Variants in TTC39B observed in about 807,000 individuals in gnomAD.
The protein encoded by TTC39B is tetratricopeptide repeat protein 39B.
Under a neutral mutation model 96.6 loss-of-function variants are expected in TTC39B, and 92 were observed. That is an observed-to-expected ratio of 0.95 (90% CI 0.80 to 1.13). TTC39B has a LOEUF of 1.13. TTC39B is among the 50% of genes most tolerant of loss of function. The probability of loss-of-function intolerance (pLI) is 0.00; values close to 1 mark genes in which losing one functional copy is unlikely to be tolerated. For synonymous variants in TTC39B, 367 were observed against 299.4 expected (o/e 1.23, Z -2.33); for missense variants, 955 against 809.3 (o/e 1.18, Z -2.18).
chr9:15,218,632 T>TAAAAAAAAAAAAAATATATA (rs545882970), intron 3 of TTC39B, among the ~76,000 whole-genome samples: 5 of 105,110 alleles, frequency 4.8e-5, no homozygotes, highest in African/African-American at 1.8e-4. Flanking sequence ...TTAGTCTATT[T>TAAAAAAAAAAAAAATATATA]TAAATATATA....
chr9:15,171,277 C>T (rs1184099662), exon 20 of TTC39B: 1 of 152,134 alleles, frequency 6.6e-6, no homozygotes, highest in Non-Finnish European at 1.5e-5. Flanking sequence ...ATTTTAGGCT[C>T]TCATTGCTAA....
chr9:15,223,764 T>A (rs1177962332), intron 3 of TTC39B, among the ~76,000 whole-genome samples: 1 of 151,972 alleles, frequency 6.6e-6, no homozygotes, highest in Non-Finnish European at 1.5e-5. Flanking sequence ...TGAGTACAGG[T>A]TGAGCATCCC....
chr9:15,236,857 C>T (rs994894707), intron 2 of TTC39B, among the ~76,000 whole-genome samples: 5 of 152,132 alleles, frequency 3.3e-5, no homozygotes, highest in South Asian at 2.1e-4. Flanking sequence ...ATTAATTAAA[C>T]GCCTACATCA....
chr9:15,287,106 C>G (rs546629981), intron 1 of TTC39B, among the ~76,000 whole-genome samples: 1 of 152,300 alleles, frequency 6.6e-6, no homozygotes. Flanking sequence ...TATTGGGGGT[C>G]TGCTTGATTT....
At chr9:15,230,063 A>G (rs2131420666) in intron 2 of TTC39B, among the ~76,000 whole-genome samples, 1 of 152,316 alleles carries the variant, frequency 6.6e-6, no homozygotes, top group African/African-American at 2.4e-5. Context: ...TAATATCTGA[A>G]CACTGCACTG....
chr9:15,306,317 C>A lies in TTC39B; in HGVS notation c.240+767G>T, dbSNP rs139787542. ...TAAATCAACAGGTCCGGCGCGCTAGCCCCTGGGTGCTCAGGCCCGGGCGCG... is the reference window on the plus strand; with the variant it reads ...TAAATCAACAGGTCCGGCGCGCTAGACCCTGGGTGCTCAGGCCCGGGCGCG... On this transcript the variant is annotated intron_variant, in intron 1 of 19. Coordinates refer to ENST00000512701, the Ensembl canonical transcript of TTC39B. The surrounding 1 kb of genome is among the most constrained non-coding windows in gnomAD (Gnocchi z 5.1). Among the ~76,000 whole-genome samples the A allele has an allele frequency of 7.6e-4, 116 of 152,354 alleles. No individual in the cohort carries two copies. The highest frequency in any genetic ancestry group is 3.4e-3 in the Middle Eastern group (1 of 294).
At chr9:15,233,472 C>T (rs1241100015) in intron 2 of TTC39B, among the ~76,000 whole-genome samples, 6 of 151,776 alleles carry the variant, frequency 4.0e-5, no homozygotes, top group African/African-American at 1.5e-4. Flanking sequence ...TCTCCTGCCT[C>T]AGCCTGCCCA....
At chr9:15,211,747 C>T (rs190324200) in intron 4 of TTC39B, among the ~76,000 whole-genome samples, 1 of 152,176 alleles carries the variant, frequency 6.6e-6, no homozygotes, top group African/African-American at 2.4e-5. Context: ...AAATAAAGGC[C>T]GCTGGAAATG....
chr9:15,232,422 T>G (rs1564371283), intron 2 of TTC39B: 1 of 152,248 alleles, frequency 6.6e-6, no homozygotes, highest in Non-Finnish European at 1.5e-5. Context: ...CAGTAGCCTC[T>G]CTAGATGAGA....
chr9:15,249,328 T>C (rs1043180370), intron 2 of TTC39B: 3 of 152,218 alleles, frequency 2.0e-5, no homozygotes, highest in Admixed American at 2.0e-4. Context: ...CACTTTTTGG[T>C]AGCTCACATT....
At chr9:15,229,836 CT>C (rs1821326252) in intron 2 of TTC39B, among the ~76,000 whole-genome samples, 1 of 152,108 alleles carries the variant, frequency 6.6e-6, no homozygotes, top group Non-Finnish European at 1.5e-5. Flanking sequence ...TTATTAAACA[CT>C]CTTTTTGTGG....
At chr9:15,257,751 ATTATC>A (rs1563768840) in intron 2 of TTC39B, among the ~76,000 whole-genome samples, 16 of 147,968 alleles carry the variant, frequency 1.1e-4, no homozygotes, top group South Asian at 2.3e-4. Flanking sequence ...CCTGACGCAA[ATTATC>A]TTATTTTTAA....
At chr9:15,233,559 T>A (rs1312372752) in intron 2 of TTC39B, among the ~76,000 whole-genome samples, 4 of 151,166 alleles carry the variant, frequency 2.6e-5, no homozygotes, top group Non-Finnish European at 5.9e-5. Flanking sequence ...GGTTTCGCTG[T>A]GTTGGCCGGG....
intron 13 of TTC39B, 49 bp downstream of exon 13, chr9:15,189,525 A>G: frequency 6.3e-7 from 1 of 1,594,014 alleles, no homozygotes; most frequent in South Asian, 1.1e-5. Flanking sequence ...CTCATGTAGG[A>G]GTCGCCATAC....
chr9:15,233,386 C>T (rs1021405444), intron 2 of TTC39B, among the ~76,000 whole-genome samples: 4 of 152,180 alleles, frequency 2.6e-5, no homozygotes, highest in Non-Finnish European at 5.9e-5. Context: ...TCTCTTTCCA[C>T]GGTCTCCCTC....
At chr9:15,171,931 C>G in exon 20 of TTC39B, 1 of 1,010,962 alleles carries the variant, frequency 9.9e-7, no homozygotes, top group Non-Finnish European at 1.5e-6. Context: ...CTCTTATTCA[C>G]AAGATCATTT....
intron 2 of TTC39B, among the ~76,000 whole-genome samples, chr9:15,258,395 A>T (rs1233605461): frequency 6.6e-6 from 1 of 152,188 alleles, no homozygotes; most frequent in Non-Finnish European, 1.5e-5. Flanking sequence ...AGAAAAGGCA[A>T]AGTTTTCAGA....
chr9:15,274,873 A>C (rs953459096), intron 1 of TTC39B, among the ~76,000 whole-genome samples: 1 of 149,910 alleles, frequency 6.7e-6, no homozygotes, highest in African/African-American at 2.5e-5. Flanking sequence ...ACAGCAAAAC[A>C]ACAGTAAAAT....
At chr9:15,286,615 A>G (rs1475864722) in intron 1 of TTC39B, among the ~76,000 whole-genome samples, 1 of 152,174 alleles carries the variant, frequency 6.6e-6, no homozygotes, top group Non-Finnish European at 1.5e-5. Flanking sequence ...AGATAGGTAA[A>G]CATCATGTTC....
Sources: allele counts gnomAD v4.1 joint callset (sites outside exome capture counted in the v4.1 genomes callset), GRCh38; gene constraint gnomAD v4.1.1; non-coding constraint Gnocchi (gnomAD v3.1); transcripts MANE v1.5; gene names NCBI Gene and HGNC (gene_info 2026-07-23, HGNC 2026-07-21).